Variants in MKRN2OS observed in about 807,000 individuals in gnomAD.
The protein encoded by MKRN2OS is MKRN2 opposite strand protein.
Under a neutral mutation model 18.2 loss-of-function variants are expected in MKRN2OS, and 17 were observed. That is an observed-to-expected ratio of 0.93 (90% CI 0.64 to 1.40). MKRN2OS has a LOEUF of 1.40. MKRN2OS is among the 40% of genes most tolerant of loss of function. MKRN2OS has a pLI of 0.00. For synonymous variants in MKRN2OS, 121 were observed against 108.5 expected (o/e 1.12, Z -0.72); for missense variants, 337 against 283.0 (o/e 1.19, Z -1.37).
chr3:12,543,257 T>TG, intron 1 of MKRN2OS, 28 bp from the exon 2 acceptor site: 1 of 1,526,600 alleles, frequency 6.6e-7, no homozygotes. Flanking sequence ...TGTTTTTTTT[T>TG]GGTTTGCATG....
intron 1 of MKRN2OS, among the ~76,000 whole-genome samples, chr3:12,559,203 G>T (rs1030974118): frequency 6.6e-6 from 1 of 152,094 alleles, no homozygotes; most frequent in Non-Finnish European, 1.5e-5. Flanking sequence ...AACATAACAG[G>T]TGTTTTAAGT....
At chr3:12,557,646 G>C (rs1292315677) in intron 1 of MKRN2OS, among the ~76,000 whole-genome samples, 1 of 152,262 alleles carries the variant, frequency 6.6e-6, no homozygotes, top group Non-Finnish European at 1.5e-5. Context: ...AACTTGCAGA[G>C]AGTTAACAAG....
upstream of MKRN2OS, among the ~76,000 whole-genome samples, chr3:12,548,384 C>T (rs9861662): frequency 0.58 from 84,095 of 144,844 alleles, 26,143 homozygotes; most frequent in African/African-American, 0.84. Flanking sequence ...GGAGGCGGAG[C>T]TTGCAGTGAG....
chr3:12,557,066 G>A, intron 1 of MKRN2OS: 6 of 1,311,838 alleles, frequency 4.6e-6, no homozygotes, highest in Non-Finnish European at 5.8e-6. Flanking sequence ...GCGGCTACGC[G>A]GGATGGGCCG....
intron 3 of MKRN2OS, 37 bp from the exon 4 acceptor site, chr3:12,540,470 C>T: frequency 6.5e-7 from 1 of 1,535,008 alleles, no homozygotes; most frequent in Non-Finnish European, 8.7e-7. Flanking sequence ...GAAGAAAAGG[C>T]TGCTCAGAAC....
upstream of MKRN2OS, among the ~76,000 whole-genome samples, chr3:12,550,401 G>A (rs1307681178): frequency 1.3e-5 from 2 of 152,106 alleles, no homozygotes; most frequent in Non-Finnish European, 2.9e-5. Context: ...TGCTGAGACA[G>A]GAAAAAGATC....
downstream of MKRN2OS, among the ~76,000 whole-genome samples, chr3:12,551,365 C>T (rs1315325771): frequency 2.6e-5 from 4 of 151,558 alleles, no homozygotes; most frequent in Non-Finnish European, 5.9e-5. Flanking sequence ...TGTGATGGTA[C>T]GCACCTGTGG....
downstream of MKRN2OS, among the ~76,000 whole-genome samples, chr3:12,552,240 C>T (rs1575509509): frequency 6.6e-6 from 1 of 151,246 alleles, no homozygotes. Context: ...ATTGCTTGAA[C>T]CCTGGAGGCG....
intron 3 of MKRN2OS, among the ~76,000 whole-genome samples, chr3:12,541,461 T>C (rs947510033): frequency 2.0e-5 from 3 of 152,192 alleles, no homozygotes; most frequent in Non-Finnish European, 4.4e-5. Context: ...TCAGGTGATC[T>C]ACCTGCCTCA....
chr3:12,560,478 T>TA (rs10651248), intron 1 of MKRN2OS, among the ~76,000 whole-genome samples: 4,297 of 124,942 alleles, frequency 0.034, 123 homozygotes, highest in African/African-American at 0.051. Flanking sequence ...TAGGAAAATG[T>TA]AAAAAAAAAA....
At chr3:12,550,863 C>T (rs527329034), downstream of MKRN2OS, among the ~76,000 whole-genome samples, 1 of 152,240 alleles carries the variant, frequency 6.6e-6, no homozygotes, top group Non-Finnish European at 1.5e-5. Context: ...ACTTCCTCTA[C>T]TAACATAGTT....
chr3:12,559,582 T>C (rs767154607), intron 1 of MKRN2OS, among the ~76,000 whole-genome samples: 1 of 152,122 alleles, frequency 6.6e-6, no homozygotes, highest in Middle Eastern at 3.2e-3. Flanking sequence ...TCTCCAAGAG[T>C]TGCTTATCAA....
chr3:12,541,343 C>T (rs2057808050), intron 3 of MKRN2OS, among the ~76,000 whole-genome samples: 1 of 152,054 alleles, frequency 6.6e-6, no homozygotes, highest in South Asian at 2.1e-4. Flanking sequence ...CTGCCCAAGC[C>T]TCCCAAGTAG....
upstream of MKRN2OS, chr3:12,545,606 T>A (rs2057875777): frequency 1.7e-6 from 1 of 602,462 alleles, no homozygotes; most frequent in South Asian, 2.3e-5. Flanking sequence ...CCAAACCAGA[T>A]AGGATTAACC....
intron 3 of MKRN2OS, 76 bp downstream of exon 3, chr3:12,541,784 G>T (rs2057817408): frequency 7.0e-7 from 1 of 1,427,176 alleles, no homozygotes; most frequent in Non-Finnish European, 9.4e-7. Flanking sequence ...AGTCCTCTGT[G>T]AGCTGAGGCT....
chr3:12,544,414 G>A (rs941392967), intron 1 of MKRN2OS, among the ~76,000 whole-genome samples: 3 of 152,156 alleles, frequency 2.0e-5, no homozygotes, highest in African/African-American at 4.8e-5. Context: ...AGTGGCTGAT[G>A]CCTGTAATCC....
upstream of MKRN2OS, among the ~76,000 whole-genome samples, chr3:12,547,923 C>T (rs1436539644): frequency 6.6e-6 from 1 of 152,208 alleles, no homozygotes; most frequent in Non-Finnish European, 1.5e-5. Context: ...ATCATTTCAA[C>T]CAACCTTCTC....
At chr3:12,546,302 A>AT (rs965919868), upstream of MKRN2OS, among the ~76,000 whole-genome samples, 2 of 152,050 alleles carry the variant, frequency 1.3e-5, no homozygotes, top group African/African-American at 4.8e-5. Context: ...TGTTCTGGGG[A>AT]TTTTTTTAAA....
At chr3:12,552,340 C>G (rs1337911693), downstream of MKRN2OS, among the ~76,000 whole-genome samples, 1 of 151,758 alleles carries the variant, frequency 6.6e-6, no homozygotes, top group Non-Finnish European at 1.5e-5. Flanking sequence ...TCCAAAACTC[C>G]CATAAAACAA....
Sources: allele counts gnomAD v4.1 joint callset (sites outside exome capture counted in the v4.1 genomes callset), GRCh38; gene constraint gnomAD v4.1.1; transcripts MANE v1.5; gene names NCBI Gene and HGNC (gene_info 2026-07-23, HGNC 2026-07-21).